CERS1: variants seen among roughly 807,000 people sequenced by gnomAD.
The protein encoded by CERS1 is Embryonic growth/differentiation factor 1.
CERS1 carries 16 observed loss-of-function variants against 35.7 expected under a neutral mutation model. The ratio of observed to expected loss-of-function variants is 0.45; its 90% CI spans 0.30 to 0.68. The LOEUF is 0.68. CERS1 is among the 30% of genes least tolerant of loss of function. The pLI is 0.08. For missense variants in CERS1, 454 were observed against 453.9 expected (o/e 1.00, Z 0.00); for synonymous variants, 243 against 201.6 (o/e 1.21, Z -1.74).
chr19:18,894,837 G>A (rs2056586473), intron 1 of CERS1, among the ~76,000 whole-genome samples: 1 of 152,112 alleles, frequency 6.6e-6, no homozygotes, highest in African/African-American at 2.4e-5. Flanking sequence ...GGCCAGCAGA[G>A]AAAGGCCCCT....
chr19:18,873,193 T>G (rs1192637234), intron 6 of CERS1, among the ~76,000 whole-genome samples: 4 of 152,044 alleles, frequency 2.6e-5, no homozygotes, highest in Admixed American at 2.6e-4. Flanking sequence ...AGAGGGAGTC[T>G]GGGGTGAAAT....
At chr19:18,896,700 C>G (rs2056631729), upstream of CERS1, 1 of 152,434 alleles carries the variant, frequency 6.6e-6, no homozygotes, top group African/African-American at 2.4e-5. This position sits in a 1 kb window ranked among gnomAD's most constrained non-coding sequence, Gnocchi z 5.9. Flanking sequence ...AGGACACGGC[C>G]CACGCCAGGG....
Position 18,870,227 on chromosome 19 carries a change from G to A in CERS1, c.*350C>T. 1.9e-6 allele frequency: 3 copies of A among 1,556,052 alleles called. No individual in the cohort carries two copies. The highest frequency in any genetic ancestry group is 2.3e-5 in the East Asian group (1 of 42,974). On this transcript the variant is annotated 3_prime_UTR_variant, in exon 7 of 8. Transcript: ENST00000623882. This position sits in a 1 kb window ranked among gnomAD's most constrained non-coding sequence, Gnocchi z 5.1. ...CTGGGCCTGGGGGCACGGGGGCGCGGGTCAGGGGCAGCGAGGGCAGCAGCA... is the reference window on the plus strand; with the variant it reads ...CTGGGCCTGGGGGCACGGGGGCGCGAGTCAGGGGCAGCGAGGGCAGCAGCA...
intron 2 of CERS1, among the ~76,000 whole-genome samples, chr19:18,885,580 C>T (rs1478692770): frequency 1.4e-5 from 2 of 141,852 alleles, no homozygotes; most frequent in African/African-American, 2.7e-5. Flanking sequence ...AGTGCAGTGG[C>T]GGGATCTCGG....
chr19:18,881,282 C>A (rs956848057), intron 3 of CERS1, among the ~76,000 whole-genome samples: 3 of 151,292 alleles, frequency 2.0e-5, no homozygotes, highest in Non-Finnish European at 4.4e-5. Context: ...CGCAATGGCA[C>A]GATCTCAGCT....
intron 7 of CERS1, 127 bp from the exon 8 acceptor site, chr19:18,869,517 A>G: frequency 9.5e-7 from 1 of 1,054,048 alleles, no homozygotes; most frequent in Non-Finnish European, 1.2e-6. Context: ...AAGGGTGTGA[A>G]GCGGCGGGGT....
In CERS1 at chr19:18,869,360, G is replaced by C; in HGVS notation, c.*625C>G. 6.5e-7 allele frequency: 1 copy of C among 1,532,112 alleles called. No individual in the cohort carries two copies. The highest frequency in any genetic ancestry group is 8.7e-7 in the Non-Finnish European group (1 of 1,146,618). 94.9% of individuals were successfully genotyped at this position (1,532,112 alleles called of 1,614,324 possible). On this transcript the variant is annotated 3_prime_UTR_variant, in exon 8 of 8. Coordinates refer to ENST00000623882, the MANE Select transcript of CERS1 (RefSeq NM_021267.5). ...CCACTCAGGGCAATGCCCCGCGGCCGAGGCAGGCTCCGAGGCCCGGGTGGG... is the reference window on the plus strand; with the variant it reads ...CCACTCAGGGCAATGCCCCGCGGCCCAGGCAGGCTCCGAGGCCCGGGTGGG...
intron 6 of CERS1, among the ~76,000 whole-genome samples, chr19:18,872,260 A>T (rs2055983463): frequency 1.3e-5 from 2 of 152,258 alleles, no homozygotes; most frequent in Admixed American, 1.3e-4. Flanking sequence ...CTACCCACTC[A>T]GAAACAGCTG....
At position 18,870,442 on chromosome 19, in the gene CERS1, G is replaced by A; in HGVS notation, c.*135C>T. 1 of 915,532 alleles carries A rather than the reference G, an allele frequency of 1.1e-6. No homozygotes were observed. Among genetic ancestry groups the A allele is most frequent in the South Asian group, 1.5e-5 (1 of 65,576 alleles). The allele number at this position is 915,532 out of a possible 1,614,324, so 56.7% of individuals were successfully genotyped here. On this transcript the variant is annotated 3_prime_UTR_variant, in exon 7 of 8. Transcript: ENST00000623882. This position sits in a 1 kb window ranked among gnomAD's most constrained non-coding sequence, Gnocchi z 5.1. ...GGCCGGGAACTGGAGGCAGGATGAG[G>A]GGGCGGGGTCCCAGGGGAGGTGGCG...
intron 3 of CERS1, among the ~76,000 whole-genome samples, chr19:18,882,256 G>A (rs2056229478): frequency 6.6e-6 from 1 of 152,188 alleles, no homozygotes; most frequent in Non-Finnish European, 1.5e-5. Context: ...GTCCAACATG[G>A]GAGCCACCAG....
intron 3 of CERS1, among the ~76,000 whole-genome samples, chr19:18,883,541 A>G (rs1392011413): frequency 4.0e-5 from 6 of 149,568 alleles, no homozygotes; most frequent in East Asian, 1.9e-4. Context: ...TCAAAAAAAA[A>G]AGAGAGAGAG....
intron 3 of CERS1, chr19:18,882,203 T>C (rs2056228295): frequency 6.5e-6 from 1 of 154,414 alleles, no homozygotes; most frequent in Non-Finnish European, 1.5e-5. Flanking sequence ...AGCCTTGAAT[T>C]ATAGAACTTT....
At chr19:18,879,472 C>A in intron 4 of CERS1, 84 bp from the exon 5 acceptor site, 1 of 1,470,202 alleles carries the variant, frequency 6.8e-7, no homozygotes, top group South Asian at 1.3e-5. Context: ...CTAGACCCAC[C>A]CTTGCCCCCT....
chr19:18,878,892 A>C lies in CERS1; in HGVS notation c.1010+38T>G. 6.2e-7 allele frequency: 1 copy of C among 1,607,738 alleles called. No homozygotes were observed. The highest frequency in any genetic ancestry group is 1.1e-5 in the South Asian group (1 of 90,292). On this transcript the variant is annotated intron_variant, in intron 6 of 7. Coordinates refer to ENST00000623882, the MANE Select transcript of CERS1 (RefSeq NM_021267.5). This position sits in a 1 kb window ranked among gnomAD's most constrained non-coding sequence, Gnocchi z 4.6. Reference sequence around the variant, plus strand: ...GAACACGCTTGGACGGGTGACACTAAAGGAGGGAACGCGGGGTGCGGGCCC... The same window carrying C: ...GAACACGCTTGGACGGGTGACACTACAGGAGGGAACGCGGGGTGCGGGCCC...
intron 1 of CERS1, 67 bp from the exon 2 acceptor site, chr19:18,893,642 G>A: frequency 6.7e-7 from 1 of 1,491,874 alleles, no homozygotes; most frequent in South Asian, 1.2e-5. Context: ...TTTGGGGTGG[G>A]GAAACTGAGG....
In CERS1 at chr19:18,878,379, C is replaced by T. The variant is rs1011586623; in HGVS notation, c.1010+551G>A. 73 of 986,820 alleles carry T rather than the reference C, an allele frequency of 7.4e-5. No homozygotes were observed. The highest frequency in any genetic ancestry group is 5.2e-4 in the Middle Eastern group (1 of 1,938). The allele number at this position is 986,820 out of a possible 1,614,324, so 61.1% of individuals were successfully genotyped here. On this transcript the variant is annotated intron_variant, in intron 6 of 7. Transcript: ENST00000623882. This position sits in a 1 kb window ranked among gnomAD's most constrained non-coding sequence, Gnocchi z 4.6. ...GTGAGGCTCGTGGGCTATCTCCTTC[C>T]CCAGGACTCCCACCTGGGCTGGACT...
intron 2 of CERS1, among the ~76,000 whole-genome samples, chr19:18,884,691 G>A (rs778750939): frequency 2.4e-4 from 33 of 139,262 alleles, no homozygotes; most frequent in Non-Finnish European, 4.6e-4. Flanking sequence ...ACAGGCGTGA[G>A]CCACCCCGCC....
At chr19:18,884,386 G>T in intron 2 of CERS1, 119 bp from the exon 3 acceptor site, 1 of 891,240 alleles carries the variant, frequency 1.1e-6, no homozygotes, top group Non-Finnish European at 1.6e-6. Flanking sequence ...AACCATGCGT[G>T]TCTGACTGCT....
In CERS1 at chr19:18,895,770, T is replaced by C; in HGVS notation, c.249+54A>G. On this transcript the variant is annotated intron_variant, in intron 1 of 7. Transcript: ENST00000623882. This position sits in a 1 kb window ranked among gnomAD's most constrained non-coding sequence, Gnocchi z 6.4. ...CGCGCCGGCGGCCCCAGGTCCCCGGTCCCGGCTTCCCCCAGTCCGGGGTCC... is the reference window on the plus strand; with the variant it reads ...CGCGCCGGCGGCCCCAGGTCCCCGGCCCCGGCTTCCCCCAGTCCGGGGTCC... The C allele has an allele frequency of 9.8e-7, 1 of 1,025,388 alleles. No homozygotes were observed. Among genetic ancestry groups the C allele is most frequent in the Admixed American group, 5.1e-5 (1 of 19,470 alleles). The allele number at this position is 1,025,388 out of a possible 1,614,324, so 63.5% of individuals were successfully genotyped here. A position where few individuals can be genotyped will look rare whatever the true frequency, so the allele number is the denominator to read the frequency against.
Sources: gnomAD v4.1 joint callset for allele counts (sites outside exome capture counted in the v4.1 genomes callset) on GRCh38, gnomAD v4.1.1 for gene constraint, Gnocchi (gnomAD v3.1) non-coding constraint, MANE v1.5 for transcripts, NCBI Gene and HGNC (gene_info 2026-07-23, HGNC 2026-07-21) for gene names.